The following NRG1 variants were observed in gnomAD, a reference collection of about 807,000 sequenced individuals.
NRG1 encodes the protein pro-neuregulin-1, membrane-bound isoform.
Under a neutral mutation model 63.8 loss-of-function variants are expected in NRG1, and 18 were observed. The observed-to-expected ratio is 0.28, with a 90% CI of 0.19 to 0.42. The LOEUF (loss-of-function observed/expected upper bound fraction) is 0.42, where lower values mean the gene tolerates loss of function less well. NRG1 is among the 10% of genes least tolerant of loss of function. The pLI is 1.00. For synonymous variants in NRG1, 302 were observed against 301.3 expected, an observed-to-expected ratio of 1.00 and a Z score of -0.02; for missense variants, 762 against 814.7, an observed-to-expected ratio of 0.94 and a Z score of 0.79.
intron 2 of NRG1, among the ~76,000 whole-genome samples, chr8:32,603,910 T>C (rs1015827839): frequency 6.6e-6 from 1 of 152,206 alleles, no homozygotes; most frequent in African/African-American, 2.4e-5. Context: ...TAGGTTCTGC[T>C]GAGTACTTAA....
intron 1 of NRG1, among the ~76,000 whole-genome samples, chr8:31,793,085 C>T (rs1392567099): frequency 1.3e-5 from 2 of 152,148 alleles, no homozygotes; most frequent in Non-Finnish European, 2.9e-5. Flanking sequence ...AACAATAGCA[C>T]CAACTAGCAC....
chr8:31,728,655 C>A (rs1193409873), intron 1 of NRG1, among the ~76,000 whole-genome samples: 1 of 152,144 alleles, frequency 6.6e-6, no homozygotes, highest in African/African-American at 2.4e-5. Flanking sequence ...ATGCTAAATT[C>A]ATAGCTCACA....
At chr8:32,606,329 A>G (rs17665595) in intron 3 of NRG1, among the ~76,000 whole-genome samples, 2 of 152,002 alleles carry the variant, frequency 1.3e-5, no homozygotes, top group Non-Finnish European at 2.9e-5. Flanking sequence ...AATTTTTTTT[A>G]GGCCTATTAA....
chr8:32,398,286 C>T (rs375536763), intron 1 of NRG1, among the ~76,000 whole-genome samples: 2 of 152,276 alleles, frequency 1.3e-5, no homozygotes, highest in African/African-American at 2.4e-5. Flanking sequence ...TAGCTTACAG[C>T]AGGTCTCCCT....
chr8:31,639,978 T>TCGCACCATGAGATGGCGA (rs1803574931), intron 1 of NRG1: 25 of 1,126,008 alleles, frequency 2.2e-5, no homozygotes, highest in Non-Finnish European at 2.7e-5. Context: ...CGCACGCACC[T>TCGCACCATGAGATGGCGA]CGCACCATGA....
chr8:32,427,751 G>A (rs760861242), intron 1 of NRG1, among the ~76,000 whole-genome samples: 5 of 152,098 alleles, frequency 3.3e-5, no homozygotes, highest in South Asian at 4.1e-4. Context: ...TAACGTGTGC[G>A]ACAGGATAAG....
chr8:31,949,529 A>T (rs1233344332), intron 1 of NRG1, among the ~76,000 whole-genome samples: 1 of 152,044 alleles, frequency 6.6e-6, no homozygotes, highest in African/African-American at 2.4e-5. Flanking sequence ...ACAATTAACC[A>T]CTTCCTTCTG....
chr8:32,202,198 A>G (rs2132303448), intron 1 of NRG1, among the ~76,000 whole-genome samples: 1 of 152,346 alleles, frequency 6.6e-6, no homozygotes, highest in Non-Finnish European at 1.5e-5. Context: ...TTATAATTAT[A>G]AAGAAAAGGA....
chr8:31,882,329 T>TAA (rs745615085), intron 1 of NRG1, among the ~76,000 whole-genome samples: 3,042 of 79,818 alleles, frequency 0.038, 144 homozygotes, highest in African/African-American at 0.091. Context: ...GCTCAAAAAC[T>TAA]AAAAAAAAAA....
intron 1 of NRG1, among the ~76,000 whole-genome samples, chr8:32,449,297 A>AAAT (rs1223038033): frequency 1.3e-5 from 2 of 151,606 alleles, no homozygotes; most frequent in African/African-American, 4.8e-5. Context: ...ACCTTGTCTC[A>AAAT]AATAATAATA....
At chr8:32,260,075 C>T (rs1850197979) in intron 1 of NRG1, among the ~76,000 whole-genome samples, 1 of 152,188 alleles carries the variant, frequency 6.6e-6, no homozygotes, top group Non-Finnish European at 1.5e-5. Context: ...ATGAGTGATA[C>T]TGGGACACCA....
At chr8:31,825,280 C>T (rs545092359) in intron 1 of NRG1, among the ~76,000 whole-genome samples, 32 of 151,538 alleles carry the variant, frequency 2.1e-4, no homozygotes, top group Non-Finnish European at 3.1e-4. Context: ...CCCAGCTACT[C>T]GGGAGGCTGA....
chr8:31,804,415 A>AT (rs1822079483), intron 1 of NRG1, among the ~76,000 whole-genome samples: 1 of 152,028 alleles, frequency 6.6e-6, no homozygotes, highest in Admixed American at 6.6e-5. Flanking sequence ...ATGGATAGGC[A>AT]TTTTTTCTGT....
intron 1 of NRG1, among the ~76,000 whole-genome samples, chr8:31,731,478 G>A (rs1814059530): frequency 1.3e-5 from 2 of 151,204 alleles, no homozygotes; most frequent in East Asian, 3.9e-4. Flanking sequence ...TGTATGATAT[G>A]TATTGTTTTA....
In NRG1 at chr8:32,232,414, A is replaced by G. The variant is rs540597043; in HGVS notation, c.38-363414A>G. Among the ~76,000 whole-genome samples the G allele has an allele frequency of 4.6e-5, 7 of 152,328 alleles. No homozygotes were observed. The South Asian group carries it at 1.4e-3, about 32-fold the overall frequency. ...AGGTTACATTTTATGAAACAAAAGT[A>G]AGAATACATGATTTAAAAGTAAGAT... On this transcript the variant is annotated intron_variant, in intron 1 of 10. Transcript: ENST00000519301.
At chr8:31,936,896 T>C (rs911766594) in intron 1 of NRG1, among the ~76,000 whole-genome samples, 3 of 152,218 alleles carry the variant, frequency 2.0e-5, no homozygotes, top group African/African-American at 7.2e-5. Flanking sequence ...GTAAATATAG[T>C]CAGCAAAGCT....
At chr8:31,642,999 TGAGA>T (rs796160947) in intron 1 of NRG1, among the ~76,000 whole-genome samples, 3 of 144,626 alleles carry the variant, frequency 2.1e-5, no homozygotes, top group African/African-American at 7.7e-5. Flanking sequence ...TGTGTGTGTG[TGAGA>T]GAGAGAATGA....
At chr8:32,507,138 C>A (rs563003921) in intron 1 of NRG1, among the ~76,000 whole-genome samples, 1 of 145,542 alleles carries the variant, frequency 6.9e-6, no homozygotes, top group South Asian at 2.3e-4. Context: ...AGCTCTAAGT[C>A]AGAATGGTGA....
intron 1 of NRG1, among the ~76,000 whole-genome samples, chr8:32,256,145 G>C (rs1849678390): frequency 3.3e-5 from 5 of 151,748 alleles, no homozygotes; most frequent in Admixed American, 3.3e-4. Flanking sequence ...CCTTGCATTG[G>C]GAGGAGCTTG....
Sources: gnomAD v4.1 joint callset for allele counts (sites outside exome capture counted in the v4.1 genomes callset) on GRCh38, gnomAD v4.1.1 for gene constraint, MANE v1.5 for transcripts, NCBI Gene and HGNC (gene_info 2026-07-23, HGNC 2026-07-21) for gene names.